Variants in MAGI1 observed in about 807,000 individuals in gnomAD.
MAGI1 encodes membrane associated guanylate kinase, WW and PDZ domain containing 1.
MAGI1 carries 58 observed loss-of-function variants against 139.9 expected under a neutral mutation model. The ratio of observed to expected loss-of-function variants is 0.41; its 90% CI spans 0.34 to 0.52. The LOEUF (loss-of-function observed/expected upper bound fraction) is 0.52. Among genes scored for constraint, MAGI1 ranks in the 20% least tolerant of loss-of-function variants. MAGI1 has a pLI of 0.12. For synonymous variants in MAGI1, 812 were observed against 737.9 expected (o/e 1.10, Z -1.63); for missense variants, 1,874 against 1,901.6 (o/e 0.99, Z 0.27).
At chr3:65,521,216 T>A (rs916839943) in intron 2 of MAGI1, among the ~76,000 whole-genome samples, 9 of 151,724 alleles carry the variant, frequency 5.9e-5, no homozygotes, top group African/African-American at 2.2e-4. Context: ...TCCACTTTAT[T>A]ACAGAGATTA....
intron 1 of MAGI1, among the ~76,000 whole-genome samples, chr3:65,900,321 C>T (rs149064447): frequency 6.6e-6 from 1 of 152,178 alleles, no homozygotes; most frequent in Non-Finnish European, 1.5e-5. Context: ...GATAACTTCT[C>T]ACTCACTACA....
intron 1 of MAGI1, among the ~76,000 whole-genome samples, chr3:66,033,030 T>C (rs928153657): frequency 4.0e-5 from 6 of 151,624 alleles, no homozygotes; most frequent in African/African-American, 1.2e-4. Flanking sequence ...GGGAGCTATC[T>C]TTTGTGTGTG....
chr3:65,997,133 G>A (rs1034257558), intron 1 of MAGI1, among the ~76,000 whole-genome samples: 2 of 152,084 alleles, frequency 1.3e-5, no homozygotes, highest in African/African-American at 4.8e-5. Flanking sequence ...GTTGTAGGGA[G>A]TACTTAAAAA....
chr3:65,427,906 G>T (rs1947174450), intron 12 of MAGI1, among the ~76,000 whole-genome samples: 1 of 152,098 alleles, frequency 6.6e-6, no homozygotes, highest in Non-Finnish European at 1.5e-5. Flanking sequence ...CTTGGCTACT[G>T]TTTAAAACCA....
chr3:65,839,858 G>A (rs1319541367), intron 1 of MAGI1, among the ~76,000 whole-genome samples: 1 of 152,170 alleles, frequency 6.6e-6, no homozygotes, highest in African/African-American at 2.4e-5. Context: ...TAGTCATGTT[G>A]TAAAGCATCT....
At chr3:66,025,485 G>C (rs546876261) in intron 1 of MAGI1, among the ~76,000 whole-genome samples, 1 of 152,314 alleles carries the variant, frequency 6.6e-6, no homozygotes, top group African/African-American at 2.4e-5. Flanking sequence ...GGTGAGCCAA[G>C]ACCGTGCCAC....
intron 10 of MAGI1, among the ~76,000 whole-genome samples, chr3:65,431,194 C>T (rs1322786003): frequency 6.6e-6 from 1 of 152,154 alleles, no homozygotes; most frequent in East Asian, 1.9e-4. Flanking sequence ...AGGAATTGAG[C>T]TGCCACAAAC....
chr3:65,629,276 CGA>C (rs1559735731), intron 1 of MAGI1, among the ~76,000 whole-genome samples: 1 of 152,020 alleles, frequency 6.6e-6, no homozygotes, highest in Non-Finnish European at 1.5e-5. Context: ...CATCTGTGAC[CGA>C]GAGGGCAGAA....
At chr3:65,443,686 T>A (rs1948495043) in intron 7 of MAGI1, among the ~76,000 whole-genome samples, 1 of 152,140 alleles carries the variant, frequency 6.6e-6, no homozygotes, top group Non-Finnish European at 1.5e-5. Flanking sequence ...TTGTGGGTTT[T>A]TTTTGTCATT....
chr3:65,599,240 C>A (rs1344819047), intron 2 of MAGI1, among the ~76,000 whole-genome samples: 1 of 152,166 alleles, frequency 6.6e-6, no homozygotes, highest in Admixed American at 6.5e-5. Flanking sequence ...GCAAAGCAGG[C>A]TTTACGGGTG....
intron 1 of MAGI1, among the ~76,000 whole-genome samples, chr3:65,927,714 A>C (rs1576100551): frequency 6.6e-6 from 1 of 152,080 alleles, no homozygotes; most frequent in Admixed American, 6.6e-5. Context: ...GTGGAAAGGG[A>C]CTGTGGTTTG....
intron 1 of MAGI1, among the ~76,000 whole-genome samples, chr3:65,881,863 T>G (rs1422185478): frequency 1.3e-5 from 2 of 152,008 alleles, no homozygotes; most frequent in Non-Finnish European, 2.9e-5. Context: ...TAGGTTGTGG[T>G]CAAAAAGGCA....
At chr3:65,737,639 T>C (rs534227373) in intron 1 of MAGI1, among the ~76,000 whole-genome samples, 30 of 152,262 alleles carry the variant, frequency 2.0e-4, no homozygotes, top group African/African-American at 5.8e-4. Flanking sequence ...GGTTTTCCAA[T>C]ACTTCCAAGA....
intron 1 of MAGI1, among the ~76,000 whole-genome samples, chr3:65,915,022 T>G (rs1479991682): frequency 1.3e-5 from 2 of 152,176 alleles, no homozygotes; most frequent in Non-Finnish European, 2.9e-5. Context: ...CAAAGCATAT[T>G]TAGGCTAGCA....
intron 1 of MAGI1, among the ~76,000 whole-genome samples, chr3:65,829,026 A>G (rs553168042): frequency 6.6e-6 from 1 of 152,292 alleles, no homozygotes; most frequent in East Asian, 1.9e-4. Context: ...CAACAACCCA[A>G]AAAACCAAGG....
chr3:65,426,073 C>T (rs1158864528), intron 12 of MAGI1, among the ~76,000 whole-genome samples: 1 of 152,086 alleles, frequency 6.6e-6, no homozygotes, highest in African/African-American at 2.4e-5. Flanking sequence ...AGTAAGGACA[C>T]ACAATTGGAA....
At chr3:65,402,686 T>C (rs1056825989) in intron 12 of MAGI1, among the ~76,000 whole-genome samples, 1 of 152,128 alleles carries the variant, frequency 6.6e-6, no homozygotes, top group African/African-American at 2.4e-5. Context: ...CCATGAGCCA[T>C]GCTGAGTTCA....
chr3:65,492,802 T>A (rs917940583), intron 3 of MAGI1, among the ~76,000 whole-genome samples: 4 of 152,164 alleles, frequency 2.6e-5, no homozygotes, highest in African/African-American at 9.7e-5. Flanking sequence ...TAAATATTTT[T>A]AAAATAATTT....
chr3:65,794,875 G>A (rs543617978), intron 1 of MAGI1, among the ~76,000 whole-genome samples: 21 of 147,830 alleles, frequency 1.4e-4, no homozygotes, highest in East Asian at 3.9e-4. Context: ...CAAACTATCC[G>A]GGTATAAGAT....
Sources: gnomAD v4.1 joint callset for allele counts (sites outside exome capture counted in the v4.1 genomes callset) on GRCh38, gnomAD v4.1.1 for gene constraint, MANE v1.5 for transcripts, NCBI Gene and HGNC (gene_info 2026-07-23, HGNC 2026-07-21) for gene names.